Variants in SLC14A2 observed in about 807,000 individuals in gnomAD.
SLC14A2 encodes solute carrier family 14 member 2, also known as urea transporter 2.
SLC14A2 carries 91 observed loss-of-function variants against 104.6 expected under a neutral mutation model. That is an observed-to-expected ratio of 0.87 (90% CI 0.73 to 1.04). The LOEUF is 1.04. Ranked by LOEUF, SLC14A2 falls within the 50% of genes least tolerant of loss-of-function variation. The pLI is 0.00. For synonymous variants in SLC14A2, 476 were observed against 466.4 expected (o/e 1.02, Z -0.27); for missense variants, 1,189 against 1,156.0 (o/e 1.03, Z -0.41).
chr18:45,326,898 G>A (rs931964744), intron 1 of SLC14A2, among the ~76,000 whole-genome samples: 5 of 152,198 alleles, frequency 3.3e-5, no homozygotes, highest in African/African-American at 1.2e-4. Context: ...TGAGGATGGA[G>A]AGCAGGAACA....
At chr18:45,308,951 T>G (rs2085051006) in intron 1 of SLC14A2, among the ~76,000 whole-genome samples, 1 of 152,202 alleles carries the variant, frequency 6.6e-6, no homozygotes, top group Non-Finnish European at 1.5e-5. Flanking sequence ...CTGGGACTAC[T>G]GAACAGGAAC....
chr18:45,506,187 C>T (rs1301973521), intron 2 of SLC14A2, among the ~76,000 whole-genome samples: 2 of 152,204 alleles, frequency 1.3e-5, no homozygotes, highest in Non-Finnish European at 2.9e-5. Flanking sequence ...AGGCCCCGTC[C>T]TCAAGTCTCT....
At chr18:45,421,499 G>A (rs1345921458) in intron 1 of SLC14A2, among the ~76,000 whole-genome samples, 1 of 152,036 alleles carries the variant, frequency 6.6e-6, no homozygotes, top group Non-Finnish European at 1.5e-5. Context: ...TAGACCTAAG[G>A]GTTCATCAGA....
At chr18:45,448,847 G>A (rs2086813095) in intron 1 of SLC14A2, among the ~76,000 whole-genome samples, 1 of 152,132 alleles carries the variant, frequency 6.6e-6, no homozygotes, top group Non-Finnish European at 1.5e-5. Context: ...TTTTTACCCT[G>A]GTGCCTTGCT....
intron 2 of SLC14A2, among the ~76,000 whole-genome samples, chr18:45,596,648 C>G (rs1015275962): frequency 7.2e-5 from 11 of 152,222 alleles, no homozygotes; most frequent in African/African-American, 2.4e-4. Context: ...CTATTGTTCA[C>G]ATGCAGAATT....
At chr18:45,499,466 T>C (rs2043156010) in intron 2 of SLC14A2, among the ~76,000 whole-genome samples, 1 of 152,190 alleles carries the variant, frequency 6.6e-6, no homozygotes, top group South Asian at 2.1e-4. Flanking sequence ...TCTCATCCAG[T>C]TTTCACACCT....
rs185483313 is a variant in SLC14A2, at chr18:45,474,942, C to T, written c.-124-8291C>T. Reference sequence around the variant, plus strand: ...TAGCTTTTGAATTTGTTTGCTCTTGCTTCTCTAGTTCTTTTAATTGTGATG... The same window carrying T: ...TAGCTTTTGAATTTGTTTGCTCTTGTTTCTCTAGTTCTTTTAATTGTGATG... On this transcript the variant is annotated intron_variant, in intron 1 of 20. Transcript: ENST00000586448. Among the ~76,000 whole-genome samples, 320 of 152,118 alleles carry T rather than the reference C, an allele frequency of 2.1e-3. 1 individual carries two copies. The highest frequency in any genetic ancestry group is 3.6e-3 in the Non-Finnish European group (247 of 67,996).
At chr18:45,621,098 T>C (rs1284882604) in intron 1 of SLC14A2, among the ~76,000 whole-genome samples, 3 of 152,242 alleles carry the variant, frequency 2.0e-5, no homozygotes, top group African/African-American at 7.2e-5. Context: ...ACTTTTCATA[T>C]GGTTGGCTTG....
At chr18:45,181,801 TTACTTTAATA>T in the SLC14A2 span, among the ~76,000 whole-genome samples, 2 of 89,676 alleles carry the variant, frequency 2.2e-5, no homozygotes, top group Non-Finnish European at 6.0e-5. Context: ...GAAAAACAGT[TTACTTTAATA>T]TATCTGTGCG....
chr18:45,372,416 C>A lies in SLC14A2; in HGVS notation c.-124-110817C>A, dbSNP rs866235631. 2.0e-5 allele frequency among the ~76,000 whole-genome samples: 3 copies of A among 152,024 alleles called. No individual in the cohort carries two copies. The South Asian group carries it at 6.2e-4, about 32-fold the overall frequency. On this transcript the variant is annotated intron_variant, in intron 1 of 20. Coordinates refer to the SLC14A2 transcript ENST00000586448. ...GATTGAGCTGGAGATGATCTGGAAA[C>A]ATCTAACATAGCTTCTTAGATGGGA...
chr18:45,324,320 C>T (rs1280749618), intron 1 of SLC14A2, among the ~76,000 whole-genome samples: 3 of 152,168 alleles, frequency 2.0e-5, no homozygotes, highest in African/African-American at 7.2e-5. Flanking sequence ...AGCTTTGATC[C>T]AAGTTTCTTC....
Position 45,419,974 on chromosome 18 carries a change from A to G in SLC14A2, c.-124-63259A>G, listed in dbSNP as rs573057518. Among the ~76,000 whole-genome samples the G allele has an allele frequency of 3.3e-4, 50 of 152,284 alleles. 1 individual carries two copies. The Middle Eastern group carries it at 0.014, about 41-fold the overall frequency. ...AAAGCTGCATAACAGATTGTTCCAA[A>G]ATATAATGGCTTAAAACAACAATAG... On this transcript the variant is annotated intron_variant, in intron 1 of 20. Transcript: ENST00000586448.
intron 2 of SLC14A2, among the ~76,000 whole-genome samples, chr18:45,552,106 G>C (rs2044064402): frequency 6.6e-6 from 1 of 152,110 alleles, no homozygotes; most frequent in Non-Finnish European, 1.5e-5. Flanking sequence ...ACCCATACAG[G>C]GCTCTTGTCC....
At chr18:45,281,365 T>C (rs2084760662) in intron 1 of SLC14A2, among the ~76,000 whole-genome samples, 1 of 152,126 alleles carries the variant, frequency 6.6e-6, no homozygotes, top group Non-Finnish European at 1.5e-5. Flanking sequence ...ACATCAGCAA[T>C]GACTCCGCCA....
At chr18:45,232,471 C>T (rs2084184268) in intron 1 of SLC14A2, among the ~76,000 whole-genome samples, 1 of 152,158 alleles carries the variant, frequency 6.6e-6, no homozygotes, top group Admixed American at 6.5e-5. Flanking sequence ...AGAGACAAGC[C>T]ATATCAGGAA....
intron 1 of SLC14A2, among the ~76,000 whole-genome samples, chr18:45,400,635 A>G (rs1255801205): frequency 1.3e-5 from 2 of 152,122 alleles, no homozygotes; most frequent in Non-Finnish European, 2.9e-5. Flanking sequence ...CACTAGTTTT[A>G]TTATCCATCA....
chr18:45,285,934 AG>A (rs2084810834), intron 1 of SLC14A2, among the ~76,000 whole-genome samples: 1 of 152,310 alleles, frequency 6.6e-6, no homozygotes, highest in Admixed American at 6.5e-5. Flanking sequence ...GCCTGTGCCC[AG>A]GCCCAGCTTC....
intron 1 of SLC14A2, among the ~76,000 whole-genome samples, chr18:45,452,019 T>C (rs534971101): frequency 1.3e-5 from 2 of 152,014 alleles, no homozygotes; most frequent in South Asian, 2.1e-4. Flanking sequence ...CATCTTTCAA[T>C]GCAATATTTT....
intron 2 of SLC14A2, among the ~76,000 whole-genome samples, chr18:45,567,813 T>C (rs1309645172): frequency 6.6e-6 from 1 of 152,114 alleles, no homozygotes; most frequent in Non-Finnish European, 1.5e-5. Context: ...TAAAATGATG[T>C]TAAAACCTTT....
Sources: allele counts gnomAD v4.1 joint callset (sites outside exome capture counted in the v4.1 genomes callset), GRCh38; gene constraint gnomAD v4.1.1; transcripts MANE v1.5; gene names NCBI Gene and HGNC (gene_info 2026-07-23, HGNC 2026-07-21).